The following LUZP2 variants were observed in gnomAD, a reference collection of about 807,000 sequenced individuals.
The protein encoded by LUZP2 is leucine zipper protein 2.
LUZP2 carries 52 observed loss-of-function variants against 51.6 expected under a neutral mutation model. The observed-to-expected ratio is 1.01, with a 90% confidence interval of 0.81 to 1.27. The LOEUF (loss-of-function observed/expected upper bound fraction) is 1.27, where lower values mean the gene tolerates loss of function less well. Ranked by LOEUF, LUZP2 falls within the 50% of genes most tolerant of loss-of-function variation. The pLI is 0.00. For missense variants in LUZP2, 436 were observed against 395.4 expected (o/e 1.10, Z -0.87); for synonymous variants, 154 against 137.3 (o/e 1.12, Z -0.85).
At chr11:24,968,831 T>A (rs1855663457) in intron 7 of LUZP2, among the ~76,000 whole-genome samples, 1 of 152,228 alleles carries the variant, frequency 6.6e-6, no homozygotes, top group African/African-American at 2.4e-5. Context: ...GTTAAGAAAT[T>A]GCCATCAGGC....
At chr11:25,042,633 A>C (rs1858104517) in intron 9 of LUZP2, among the ~76,000 whole-genome samples, 1 of 152,154 alleles carries the variant, frequency 6.6e-6, no homozygotes, top group South Asian at 2.1e-4. Flanking sequence ...TCTAAAGGCT[A>C]GAAATCTGAA....
At chr11:24,987,141 TA>T (rs1369377067) in intron 9 of LUZP2, among the ~76,000 whole-genome samples, 1 of 151,878 alleles carries the variant, frequency 6.6e-6, no homozygotes, top group Non-Finnish European at 1.5e-5. Flanking sequence ...CTGACACACA[TA>T]AAGCAGTCAA....
intron 5 of LUZP2, among the ~76,000 whole-genome samples, chr11:24,773,894 C>A (rs1457334767): frequency 2.0e-5 from 3 of 152,112 alleles, no homozygotes; most frequent in African/African-American, 7.2e-5. Context: ...AACCACAAAG[C>A]CACATGTAGC....
intron 7 of LUZP2, among the ~76,000 whole-genome samples, chr11:24,965,188 A>T (rs1855544554): frequency 6.6e-6 from 1 of 150,608 alleles, no homozygotes; most frequent in South Asian, 2.1e-4. Context: ...GAAAATTGTC[A>T]TTCTTCCTCT....
intron 1 of LUZP2, among the ~76,000 whole-genome samples, chr11:24,703,466 G>A (rs575403914): frequency 2.0e-5 from 3 of 152,228 alleles, no homozygotes; most frequent in East Asian, 3.9e-4. Flanking sequence ...GAACAATGAT[G>A]AAAAATACTA....
At chr11:24,750,104 G>GTCAGAATACTCTGGATGTTAT (rs1334231577) in intron 4 of LUZP2, among the ~76,000 whole-genome samples, 1 of 152,180 alleles carries the variant, frequency 6.6e-6, no homozygotes, top group African/African-American at 2.4e-5. Context: ...TATCTGACTT[G>GTCAGAATACTCTGGATGTTAT]TCAGAATACT....
Position 24,513,294 on chromosome 11 carries a change from G to T in LUZP2, c.62+15989G>T, listed in dbSNP as rs147424744. The stretch of plus-strand genomic sequence containing the variant: ...CTGTTTTTGGATTCACAAAAGACTT[G>T]ATCATATCTTAGCTAAAAACATCTA... On this transcript the variant is annotated intron_variant, in intron 1 of 11. Coordinates refer to ENST00000336930, the MANE Select transcript of LUZP2 (RefSeq NM_001009909.4). Among the ~76,000 whole-genome samples the T allele has an allele frequency of 7.3e-3, 1,108 of 152,200 alleles. 10 individuals carry two copies. Among genetic ancestry groups the T allele is most frequent in the South Asian group, 0.019 (92 of 4,822 alleles).
At chr11:24,711,680 A>G (rs1857833592) in intron 1 of LUZP2, among the ~76,000 whole-genome samples, 1 of 152,208 alleles carries the variant, frequency 6.6e-6, no homozygotes, top group East Asian at 1.9e-4. Flanking sequence ...TTATACACAC[A>G]CCGTCACACA....
intron 1 of LUZP2, among the ~76,000 whole-genome samples, chr11:24,624,091 T>A (rs970943711): frequency 6.6e-6 from 1 of 152,190 alleles, no homozygotes; most frequent in Admixed American, 6.6e-5. Context: ...AATAGGCTGA[T>A]ATTATTTTTA....
chr11:24,532,062 A>T (rs2133826097), intron 1 of LUZP2, among the ~76,000 whole-genome samples: 1 of 151,062 alleles, frequency 6.6e-6, no homozygotes, highest in East Asian at 1.9e-4. Flanking sequence ...CAGGAAAGAA[A>T]ATAATAAAAT....
intron 3 of LUZP2, among the ~76,000 whole-genome samples, chr11:24,736,525 C>A (rs1419858082): frequency 6.8e-6 from 1 of 146,012 alleles, no homozygotes; most frequent in African/African-American, 2.6e-5. Flanking sequence ...CCTTCCTTCT[C>A]AGTAGAGATA....
At chr11:24,947,843 T>C (rs1456012068) in intron 7 of LUZP2, among the ~76,000 whole-genome samples, 1 of 151,920 alleles carries the variant, frequency 6.6e-6, no homozygotes, top group African/African-American at 2.4e-5. Flanking sequence ...TGGTGTGGTC[T>C]CTTGTCCATG....
At chr11:24,711,374 C>CCA (rs1857816880) in intron 1 of LUZP2, among the ~76,000 whole-genome samples, 1 of 151,926 alleles carries the variant, frequency 6.6e-6, no homozygotes. Context: ...GGCGTGAACC[C>CCA]GGGAGGCGGA....
intron 10 of LUZP2, among the ~76,000 whole-genome samples, chr11:25,051,020 G>A (rs1858493505): frequency 6.6e-6 from 1 of 152,144 alleles, no homozygotes; most frequent in South Asian, 2.1e-4. Context: ...CAACAATTGT[G>A]TTCAAAATTA....
At chr11:24,681,107 G>A (rs1339929244) in intron 1 of LUZP2, among the ~76,000 whole-genome samples, 2 of 151,602 alleles carry the variant, frequency 1.3e-5, no homozygotes, top group Non-Finnish European at 2.9e-5. Context: ...TCAGCCTCCC[G>A]AGTAGTTGGG....
intron 10 of LUZP2, among the ~76,000 whole-genome samples, chr11:25,066,263 TC>T (rs1858996173): frequency 6.6e-6 from 1 of 151,928 alleles, no homozygotes; most frequent in South Asian, 2.1e-4. Flanking sequence ...TGTGGCATTG[TC>T]CAGTGATGGT....
intron 7 of LUZP2, among the ~76,000 whole-genome samples, chr11:24,948,355 T>C (rs1854957489): frequency 6.7e-6 from 1 of 148,982 alleles, no homozygotes; most frequent in Non-Finnish European, 1.5e-5. Flanking sequence ...AAATATTATT[T>C]TCTTTAGTAT....
chr11:24,929,879 C>G (rs1854393692), intron 7 of LUZP2, among the ~76,000 whole-genome samples: 1 of 151,870 alleles, frequency 6.6e-6, no homozygotes, highest in Non-Finnish European at 1.5e-5. Context: ...TAGTACTTAT[C>G]AGTAGTTATC....
chr11:24,779,550 G>A (rs1273950622), intron 5 of LUZP2, among the ~76,000 whole-genome samples: 8 of 152,136 alleles, frequency 5.3e-5, no homozygotes, highest in Non-Finnish European at 1.2e-4. Context: ...CATAATAAAT[G>A]TAAAGTGTTA....
Sources: allele counts gnomAD v4.1 joint callset (sites outside exome capture counted in the v4.1 genomes callset), GRCh38; gene constraint gnomAD v4.1.1; transcripts MANE v1.5; gene names NCBI Gene and HGNC (gene_info 2026-07-23, HGNC 2026-07-21).